The following NFILZ variants were observed in gnomAD, a reference collection of about 807,000 sequenced individuals.
NFILZ encodes the protein NFIL3 like protein.
intron 3 of NFILZ, among the ~76,000 whole-genome samples, chr19:8,643,699 T>C (rs984821890): frequency 6.6e-6 from 1 of 152,152 alleles, no homozygotes; most frequent in East Asian, 1.9e-4. Context: ...TCTGCATCAT[T>C]GGCTCTCAGG....
intron 3 of NFILZ, among the ~76,000 whole-genome samples, chr19:8,665,303 G>A (rs1450522539): frequency 6.6e-6 from 1 of 152,202 alleles, no homozygotes; most frequent in African/African-American, 2.4e-5. Context: ...TCAGGCAGAA[G>A]AAACATTATG....
chr19:8,644,852 C>T (rs981310609), intron 3 of NFILZ, among the ~76,000 whole-genome samples: 5 of 151,250 alleles, frequency 3.3e-5, no homozygotes, highest in East Asian at 2.0e-4. Context: ...CCACAACCTC[C>T]GCTTCCCTGG....
intron 2 of NFILZ, among the ~76,000 whole-genome samples, chr19:8,634,781 A>G (rs1310362577): frequency 2.6e-5 from 4 of 152,050 alleles, no homozygotes; most frequent in African/African-American, 9.7e-5. Context: ...TTGGGAGGCT[A>G]AGGTGGGAGG....
intron 3 of NFILZ, among the ~76,000 whole-genome samples, chr19:8,663,722 TTGTGTGTGTGTGTGTGTGTG>T (rs879983007): frequency 9.2e-5 from 1 of 10,812 alleles, no homozygotes; most frequent in South Asian, 3.3e-3. Flanking sequence ...GTGTGTGTGT[TTGTGTGTGTGTGTGTGTGTG>T]TGTGTGTGTG....
At chr19:8,655,467 C>T (rs1486686711) in intron 3 of NFILZ, among the ~76,000 whole-genome samples, 2 of 152,186 alleles carry the variant, frequency 1.3e-5, no homozygotes, top group Non-Finnish European at 2.9e-5. Context: ...CCTGGGCAGA[C>T]ACCAGGTGCG....
chr19:8,647,795 G>GCGCGCGCACA (rs1189605746), intron 3 of NFILZ, among the ~76,000 whole-genome samples: 2 of 76,302 alleles, frequency 2.6e-5, no homozygotes, highest in African/African-American at 1.1e-4. Flanking sequence ...GCGCGCGCGC[G>GCGCGCGCACA]CACACACACA....
intron 3 of NFILZ, among the ~76,000 whole-genome samples, chr19:8,636,912 G>A (rs1481402631): frequency 6.6e-6 from 1 of 152,138 alleles, no homozygotes; most frequent in African/African-American, 2.4e-5. Context: ...CTTTTGTATG[G>A]AGAGACAGGA....
At chr19:8,662,238 G>T (rs1395841602) in intron 3 of NFILZ, among the ~76,000 whole-genome samples, 1 of 151,732 alleles carries the variant, frequency 6.6e-6, no homozygotes, top group African/African-American at 2.4e-5. Flanking sequence ...AGTAAAGGAG[G>T]GGAGCAAAAG....
chr19:8,635,329 A>G (rs1369632640), intron 2 of NFILZ, among the ~76,000 whole-genome samples: 5 of 151,534 alleles, frequency 3.3e-5, no homozygotes, highest in Non-Finnish European at 7.4e-5. Context: ...AAAATTAAAA[A>G]AAAAAAAAAA....
chr19:8,671,887 A>G (rs1370976), intron 3 of NFILZ, among the ~76,000 whole-genome samples: 70,520 of 151,910 alleles, frequency 0.46, 20,051 homozygotes, highest in African/African-American at 0.78. Context: ...GGGGGACCCC[A>G]AGTGAGGGCT....
chr19:8,655,569 G>A (rs2042988468), intron 3 of NFILZ, among the ~76,000 whole-genome samples: 1 of 152,164 alleles, frequency 6.6e-6, no homozygotes, highest in Admixed American at 6.5e-5. Flanking sequence ...CACCGCGGGA[G>A]GTTCCACAAG....
intron 3 of NFILZ, among the ~76,000 whole-genome samples, chr19:8,651,113 T>A (rs989739940): frequency 1.5e-4 from 23 of 152,342 alleles, no homozygotes; most frequent in African/African-American, 5.3e-4. Context: ...AACATTTATT[T>A]GTGTTAGGAA....
intron 3 of NFILZ, among the ~76,000 whole-genome samples, chr19:8,648,070 A>G (rs2042949891): frequency 7.0e-6 from 1 of 142,374 alleles, no homozygotes; most frequent in South Asian, 2.4e-4. Flanking sequence ...GCTACTTGGG[A>G]GGCTGAGGCA....
At chr19:8,650,650 T>G (rs1433393487) in intron 3 of NFILZ, among the ~76,000 whole-genome samples, 4 of 117,130 alleles carry the variant, frequency 3.4e-5, no homozygotes, top group African/African-American at 1.3e-4. Flanking sequence ...TGAGATTCTG[T>G]CTCAAAAAAA....
intron 3 of NFILZ, among the ~76,000 whole-genome samples, chr19:8,663,549 G>A (rs371482932): frequency 1.5e-3 from 227 of 147,856 alleles, no homozygotes; most frequent in African/African-American, 4.6e-3. Context: ...GGTGGAGGGG[G>A]CGCTGGTGGT....
At chr19:8,660,804 A>T (rs1470054998) in intron 3 of NFILZ, among the ~76,000 whole-genome samples, 4 of 150,380 alleles carry the variant, frequency 2.7e-5, no homozygotes, top group African/African-American at 4.9e-5. Flanking sequence ...TGCCTGGTTA[A>T]TTTTTTTGTA....
rs1271140816 is a variant in NFILZ, at chr19:8,678,147, G to C, written c.*512G>C. Among the ~76,000 whole-genome samples the C allele has an allele frequency of 1.0e-4, 1 of 9,672 alleles. No homozygotes were observed. Among genetic ancestry groups the C allele is most frequent in the African/African-American group, 3.2e-4 (1 of 3,136 alleles). 6.3% of individuals were successfully genotyped at this position (9,672 alleles called of 152,430 possible). On this transcript the variant is annotated 3_prime_UTR_variant, in exon 6 of 6. Transcript: ENST00000691075. ...CATCCCTCCATCCATTCATCCACTTGTCCGTCCATCCATCCATCCATCCAT... is the reference window on the plus strand; with the variant it reads ...CATCCCTCCATCCATTCATCCACTTCTCCGTCCATCCATCCATCCATCCAT...
rs1413043488 is a variant in NFILZ, at chr19:8,677,251, T to G, written c.486T>G (p.Thr162=). Among the ~76,000 whole-genome samples the G allele has an allele frequency of 6.6e-6, 1 of 152,230 alleles. No individual in the cohort carries two copies. Among genetic ancestry groups the G allele is most frequent in the Non-Finnish European group, 1.5e-5 (1 of 68,036 alleles). The change falls in exon 6 of 6, where the codon ACT becomes ACG. Residue 162 remains threonine, a synonymous_variant. Coordinates refer to ENST00000691075, the MANE Select transcript of NFILZ (RefSeq NM_001378600.1). ...GCTGCCTGCTGGCTCCCAGATGGAC[T>G]GGCTTGGCCACTTCTCCTAGGTCCC... ...CRGCLLAPRW[T]GLATSPRSPQ...
In NFILZ at chr19:8,673,835, C is replaced by CATTGATTGATTG. The variant is rs560769834; in HGVS notation, c.-163-702_-163-691dup. Among the ~76,000 whole-genome samples the CATTGATTGATTG allele has an allele frequency of 3.6e-3, 554 of 152,154 alleles. 3 individuals carry two copies. The highest frequency in any genetic ancestry group is 0.012 in the African/African-American group (504 of 41,510). ...TGGGCGACTGCAGAACACCACAAGG[C>CATTGATTGATTG]ATTGATTGATTGATTGATTGATTGA... On this transcript the variant is annotated intron_variant, in intron 3 of 5. Coordinates refer to ENST00000691075, the MANE Select transcript of NFILZ (RefSeq NM_001378600.1).
Sources: gnomAD v4.1 joint callset for allele counts (sites outside exome capture counted in the v4.1 genomes callset) on GRCh38, gnomAD v4.1.1 for gene constraint, MANE v1.5 for transcripts, NCBI Gene and HGNC (gene_info 2026-07-23, HGNC 2026-07-21) for gene names.